The following NAALADL2 variants were observed in gnomAD, a reference collection of about 807,000 sequenced individuals.
NAALADL2 encodes N-acetylated alpha-linked acidic dipeptidase like 2, also known as inactive N-acetylated-alpha-linked acidic dipeptidase-like protein 2.
In NAALADL2, 76 loss-of-function variants were observed where a neutral mutation model predicts 87.2. The observed-to-expected ratio is 0.87, with a 90% CI of 0.72 to 1.05. The LOEUF (loss-of-function observed/expected upper bound fraction) is 1.05, where lower values mean the gene tolerates loss of function less well. Ranked by LOEUF, NAALADL2 falls within the 50% of genes least tolerant of loss-of-function variation. NAALADL2 has a pLI of 0.00. For missense variants in NAALADL2, 1,089 were observed against 945.8 expected, an observed-to-expected ratio of 1.15 and a Z score of -1.99; for synonymous variants, 354 against 331.0, an observed-to-expected ratio of 1.07 and a Z score of -0.75.
chr3:175,055,228 G>C (rs7612360), intron 1 of NAALADL2, among the ~76,000 whole-genome samples: 1 of 151,846 alleles, frequency 6.6e-6, no homozygotes, highest in African/African-American at 2.4e-5. Flanking sequence ...TCCCATTCTC[G>C]CATACGGCAC....
chr3:175,174,926 A>G (rs942646627), intron 2 of NAALADL2, among the ~76,000 whole-genome samples: 2 of 152,008 alleles, frequency 1.3e-5, no homozygotes, highest in Non-Finnish European at 2.9e-5. Flanking sequence ...TTGACCATTA[A>G]TCTTCTTGTA....
intron 1 of NAALADL2, among the ~76,000 whole-genome samples, chr3:174,485,343 T>C (rs1399164698): frequency 2.6e-5 from 4 of 151,822 alleles, no homozygotes; most frequent in African/African-American, 9.7e-5. Context: ...AGGTTTGTTA[T>C]ATAGGTAAAC....
At chr3:175,095,567 A>AT (rs1721001850) in intron 1 of NAALADL2, among the ~76,000 whole-genome samples, 1 of 152,064 alleles carries the variant, frequency 6.6e-6, no homozygotes, top group African/African-American at 2.4e-5. Context: ...TTTCTTAAAA[A>AT]TTTAGGAAAT....
intron 1 of NAALADL2, among the ~76,000 whole-genome samples, chr3:175,053,345 T>C (rs766149912): frequency 6.6e-6 from 1 of 152,216 alleles, no homozygotes; most frequent in Non-Finnish European, 1.5e-5. Flanking sequence ...TTGTGAATTG[T>C]TGTCCCGCTT....
intron 1 of NAALADL2, among the ~76,000 whole-genome samples, chr3:175,018,761 C>T (rs1434820795): frequency 1.3e-5 from 2 of 151,998 alleles, no homozygotes; most frequent in Non-Finnish European, 2.9e-5. Flanking sequence ...CACTGAAGAG[C>T]CACAACACTG....
At chr3:175,686,353 G>T (rs1736293942) in intron 11 of NAALADL2, among the ~76,000 whole-genome samples, 1 of 152,050 alleles carries the variant, frequency 6.6e-6, no homozygotes, top group African/African-American at 2.4e-5. Context: ...TATAAGAGAA[G>T]CTGTAATCAA....
At chr3:175,187,960 T>TA (rs754129608) in intron 2 of NAALADL2, among the ~76,000 whole-genome samples, 4 of 152,202 alleles carry the variant, frequency 2.6e-5, no homozygotes, top group African/African-American at 2.4e-5. Flanking sequence ...TTCCTGTACG[T>TA]ATTTTCTCTG....
intron 1 of NAALADL2, among the ~76,000 whole-genome samples, chr3:174,942,428 C>T (rs1738750839): frequency 6.6e-6 from 1 of 152,140 alleles, no homozygotes; most frequent in South Asian, 2.1e-4. Context: ...CTTCCCTTTG[C>T]AGCTAACCTG....
At chr3:174,467,690 T>C (rs541362676) in intron 1 of NAALADL2, among the ~76,000 whole-genome samples, 13 of 150,164 alleles carry the variant, frequency 8.7e-5, no homozygotes, top group East Asian at 5.9e-4. Context: ...GAATACTATA[T>C]AGCTATATAA....
At chr3:175,800,094 G>A (rs189250998) in intron 13 of NAALADL2, among the ~76,000 whole-genome samples, 3 of 152,290 alleles carry the variant, frequency 2.0e-5, no homozygotes, top group East Asian at 1.9e-4. Flanking sequence ...TGGAGCAGTT[G>A]TGTGTATGGG....
At chr3:175,400,083 T>G (rs1242044368) in intron 5 of NAALADL2, among the ~76,000 whole-genome samples, 1 of 152,068 alleles carries the variant, frequency 6.6e-6, no homozygotes, top group Non-Finnish European at 1.5e-5. Flanking sequence ...AAATATACCC[T>G]CATTCTCTAT....
intron 5 of NAALADL2, among the ~76,000 whole-genome samples, chr3:175,406,916 C>T (rs746306876): frequency 2.0e-5 from 3 of 151,990 alleles, no homozygotes; most frequent in Non-Finnish European, 1.5e-5. Flanking sequence ...CGCTGTGGCT[C>T]ACGCCTGTAA....
At chr3:175,253,911 G>A (rs1157145796) in intron 3 of NAALADL2, among the ~76,000 whole-genome samples, 1 of 152,172 alleles carries the variant, frequency 6.6e-6, no homozygotes, top group East Asian at 1.9e-4. Context: ...TTGAACGGAT[G>A]AAGAGTTATT....
intron 1 of NAALADL2, among the ~76,000 whole-genome samples, chr3:174,494,507 G>A (rs1341480086): frequency 1.3e-5 from 2 of 151,616 alleles, no homozygotes; most frequent in Admixed American, 1.3e-4. Flanking sequence ...ATAGCATTAG[G>A]AGATATAAGT....
chr3:175,387,451 A>T (rs190007272), intron 5 of NAALADL2, among the ~76,000 whole-genome samples: 1 of 152,226 alleles, frequency 6.6e-6, no homozygotes, highest in African/African-American at 2.4e-5. Context: ...CCATTTTCAG[A>T]TTGATACATT....
chr3:174,936,693 G>A (rs1737739899), intron 1 of NAALADL2, among the ~76,000 whole-genome samples: 1 of 152,088 alleles, frequency 6.6e-6, no homozygotes, highest in Non-Finnish European at 1.5e-5. Flanking sequence ...TCACCTAAAT[G>A]TGCTTTCCAA....
At chr3:175,328,178 T>C (rs1323231002) in intron 5 of NAALADL2, among the ~76,000 whole-genome samples, 1 of 152,170 alleles carries the variant, frequency 6.6e-6, no homozygotes, top group Admixed American at 6.5e-5. Flanking sequence ...GCACCAGTCC[T>C]GAAGAAGTAG....
intron 11 of NAALADL2, among the ~76,000 whole-genome samples, chr3:175,662,182 A>T (rs1732349419): frequency 6.6e-6 from 1 of 151,788 alleles, no homozygotes; most frequent in Non-Finnish European, 1.5e-5. Context: ...AGTCTTTTAC[A>T]GTTTTCCTTG....
At chr3:174,595,959 C>A (rs945315966) in intron 2 of NAALADL2, among the ~76,000 whole-genome samples, 1 of 152,130 alleles carries the variant, frequency 6.6e-6, no homozygotes, top group Non-Finnish European at 1.5e-5. Flanking sequence ...TTGTGGTGAG[C>A]TGAGATCATG....
Sources: allele counts gnomAD v4.1 joint callset (sites outside exome capture counted in the v4.1 genomes callset), GRCh38; gene constraint gnomAD v4.1.1; transcripts MANE v1.5; gene names NCBI Gene and HGNC (gene_info 2026-07-23, HGNC 2026-07-21).